The following GOLGA5 variants were observed in gnomAD, a reference collection of about 807,000 sequenced individuals.
GOLGA5 encodes golgin A5.
GOLGA5 carries 50 observed loss-of-function variants against 93.5 expected under a neutral mutation model. The observed-to-expected ratio is 0.53, with a 90% confidence interval of 0.43 to 0.68. The LOEUF (loss-of-function observed/expected upper bound fraction) is 0.68, where lower values mean the gene tolerates loss of function less well. Among genes scored for constraint, GOLGA5 ranks in the 30% least tolerant of loss-of-function variants. The pLI, the probability that GOLGA5 is intolerant of heterozygous loss-of-function variation, is 0.00. For missense variants in GOLGA5, 760 were observed against 856.4 expected, an observed-to-expected ratio of 0.89 and a Z score of 1.40; for synonymous variants, 312 against 304.5, an observed-to-expected ratio of 1.02 and a Z score of -0.26.
At chr14:92,813,788 G>A (rs1885149465) in intron 6 of GOLGA5, among the ~76,000 whole-genome samples, 3 of 152,152 alleles carry the variant, frequency 2.0e-5, no homozygotes, top group African/African-American at 7.2e-5. Flanking sequence ...ATAAGGGGTG[G>A]CATCAATGGC....
chr14:92,807,096 TCAAGAC>T, intron 3 of GOLGA5, 133 bp downstream of exon 3: 2 of 604,996 alleles, frequency 3.3e-6, no homozygotes, highest in Non-Finnish European at 5.9e-6. Flanking sequence ...GGTCAGGAGT[TCAAGAC>T]CAGTCTGGCC....
intron 1 of GOLGA5, among the ~76,000 whole-genome samples, chr14:92,797,066 TAAATAATAAAAATAG>T (rs150757140): frequency 0.2 from 29,427 of 147,360 alleles, 3,272 homozygotes; most frequent in East Asian, 0.26. Flanking sequence ...ATAGTAATAA[TAAATAATAAAAATAG>T]AAATAATAAT....
At chr14:92,804,357 C>T (rs563844352) in intron 2 of GOLGA5, among the ~76,000 whole-genome samples, 74 of 152,096 alleles carry the variant, frequency 4.9e-4, no homozygotes, top group African/African-American at 1.2e-3. Context: ...TGAGCCACCA[C>T]GCCTGGCCTA....
intron 7 of GOLGA5, 120 bp from the exon 8 acceptor site, chr14:92,819,588 G>A (rs1248050186): frequency 2.4e-6 from 2 of 840,192 alleles, no homozygotes; most frequent in African/African-American, 1.7e-5. Flanking sequence ...AACTGTGATT[G>A]TGCCACTGCA....
At chr14:92,799,964 A>C (rs1884833294) in intron 2 of GOLGA5, among the ~76,000 whole-genome samples, 2 of 152,186 alleles carry the variant, frequency 1.3e-5, no homozygotes, top group South Asian at 2.1e-4. Flanking sequence ...TGGATGTTAT[A>C]GCTTCTTTCA....
intron 9 of GOLGA5, among the ~76,000 whole-genome samples, chr14:92,830,174 C>T (rs373860900): frequency 2.6e-5 from 4 of 152,112 alleles, no homozygotes; most frequent in Admixed American, 2.0e-4. Flanking sequence ...CAAAATTAGC[C>T]GAGCATGGTT....
chr14:92,832,741 CTA>C (rs1408559945), intron 9 of GOLGA5, among the ~76,000 whole-genome samples: 1 of 152,164 alleles, frequency 6.6e-6, no homozygotes, highest in Admixed American at 6.6e-5. Flanking sequence ...ATTGTGTCCT[CTA>C]AACCCATGCT....
rs531012444 is a variant in GOLGA5, at chr14:92,817,430, G to A, written c.1491+1009G>A. Among the ~76,000 whole-genome samples, 5 of 152,192 alleles carry A rather than the reference G, an allele frequency of 3.3e-5. No homozygotes were observed. In the South Asian group the frequency reaches 1.0e-3, roughly 32 times the overall value. On this transcript the variant is annotated intron_variant, in intron 7 of 12. Transcript: ENST00000163416. ...TTGAGCTCCTATGTGAAGCTGAGAT[G>A]TTTTCTAATATTAGTATGGGCTCAG...
At chr14:92,803,639 A>C (rs1439441545) in intron 2 of GOLGA5, among the ~76,000 whole-genome samples, 1 of 152,204 alleles carries the variant, frequency 6.6e-6, no homozygotes, top group East Asian at 1.9e-4. Context: ...AATGTCATAC[A>C]CATTTTGAGG....
intron 2 of GOLGA5, 59 bp downstream of exon 2, chr14:92,798,040 T>C (rs901836383): frequency 1.2e-5 from 13 of 1,091,228 alleles, no homozygotes; most frequent in Non-Finnish European, 1.6e-5. Flanking sequence ...TGTCATCATA[T>C]GATCCGATGG....
At chr14:92,795,131 G>A (rs552769997) in intron 1 of GOLGA5, among the ~76,000 whole-genome samples, 3 of 152,174 alleles carry the variant, frequency 2.0e-5, no homozygotes, top group Admixed American at 2.0e-4. Context: ...TAGAGACAGG[G>A]TCTTGCCATG....
At chr14:92,819,951 A>G (rs1459417147) in intron 8 of GOLGA5, 115 bp downstream of exon 8, 1 of 886,620 alleles carries the variant, frequency 1.1e-6, no homozygotes. Context: ...GGGTTACCCC[A>G]CAAGTTCCTC....
chr14:92,814,116 TAGAA>T (rs1310913100), intron 6 of GOLGA5, among the ~76,000 whole-genome samples: 1 of 152,054 alleles, frequency 6.6e-6, no homozygotes, highest in African/African-American at 2.4e-5. Flanking sequence ...GTGACAATGT[TAGAA>T]AGGTAATTAG....
chr14:92,798,105 C>T (rs1332652244), intron 2 of GOLGA5, 124 bp downstream of exon 2: 4 of 686,386 alleles, frequency 5.8e-6, no homozygotes, highest in Non-Finnish European at 5.0e-6. Context: ...GGCAGACTCT[C>T]TGCAAATGTG....
intron 6 of GOLGA5, among the ~76,000 whole-genome samples, chr14:92,813,346 G>A (rs531259371): frequency 2.0e-5 from 3 of 152,264 alleles, no homozygotes; most frequent in Non-Finnish European, 2.9e-5. Context: ...GATAATTGAC[G>A]TAATAAGGTT....
At chr14:92,837,357 C>G in intron 11 of GOLGA5, 29 bp from the exon 12 acceptor site, 1 of 1,148,544 alleles carries the variant, frequency 8.7e-7, no homozygotes, top group Non-Finnish European at 1.3e-6. Flanking sequence ...CTTCTCTCTC[C>G]TCTCCCCCTC....
intron 2 of GOLGA5, among the ~76,000 whole-genome samples, chr14:92,799,699 TG>T (rs989727382): frequency 1.3e-5 from 2 of 152,036 alleles, no homozygotes; most frequent in Non-Finnish European, 2.9e-5. Flanking sequence ...CTCCACCTCC[TG>T]GGTTCAAGCG....
intron 9 of GOLGA5, among the ~76,000 whole-genome samples, chr14:92,832,403 C>T (rs1010866473): frequency 1.9e-4 from 29 of 152,008 alleles, no homozygotes; most frequent in Admixed American, 8.5e-4. Context: ...GAAACGTGGC[C>T]GGCATAGCGG....
intron 6 of GOLGA5, among the ~76,000 whole-genome samples, chr14:92,812,706 T>A (rs2140321447): frequency 6.6e-6 from 1 of 152,306 alleles, no homozygotes; most frequent in African/African-American, 2.4e-5. Context: ...ACCCTCCCAC[T>A]TCCTTGGAAC....
Sources: gnomAD v4.1 joint callset for allele counts (sites outside exome capture counted in the v4.1 genomes callset) on GRCh38, gnomAD v4.1.1 for gene constraint, MANE v1.5 for transcripts, NCBI Gene and HGNC (gene_info 2026-07-23, HGNC 2026-07-21) for gene names.